The following LINGO2 variants were observed in gnomAD, a reference collection of about 807,000 sequenced individuals.
LINGO2 encodes leucine rich repeat and Ig domain containing 2, also known as leucine-rich repeat and immunoglobulin-like domain-containing nogo receptor-interacting protein 2.
Under a neutral mutation model 30.6 loss-of-function variants are expected in LINGO2, and 14 were observed. That is an observed-to-expected ratio of 0.46 (90% CI 0.30 to 0.72). The LOEUF (loss-of-function observed/expected upper bound fraction) is 0.72, where lower values mean the gene tolerates loss of function less well. Among genes scored for constraint, LINGO2 ranks in the 30% least tolerant of loss-of-function variants. The pLI, the probability that LINGO2 is intolerant of heterozygous loss-of-function variation, is 0.07. For missense variants in LINGO2, 729 were observed against 751.7 expected, an observed-to-expected ratio of 0.97 and a Z score of 0.35; for synonymous variants, 317 against 288.5, an observed-to-expected ratio of 1.10 and a Z score of -1.00.
At chr9:28,331,011 T>C (rs952751515) in intron 3 of LINGO2, among the ~76,000 whole-genome samples, 3 of 152,130 alleles carry the variant, frequency 2.0e-5, no homozygotes, top group Non-Finnish European at 2.9e-5. Flanking sequence ...ATTTTCTTTA[T>C]TAAACCTGTG....
chr9:29,061,092 G>C, the LINGO2 span, among the ~76,000 whole-genome samples: 3 of 151,752 alleles, frequency 2.0e-5, no homozygotes, highest in Non-Finnish European at 4.4e-5. Context: ...TAATCAAGCT[G>C]GAAAAAAATG....
chr9:28,857,632 T>A, the LINGO2 span, among the ~76,000 whole-genome samples: 3 of 152,074 alleles, frequency 2.0e-5, no homozygotes, highest in South Asian at 6.2e-4. Context: ...ATTTGTCCTC[T>A]AGATCTGCAG....
chr9:28,089,178 T>A (rs10812739), intron 4 of LINGO2, among the ~76,000 whole-genome samples: 13,328 of 152,150 alleles, frequency 0.088, 822 homozygotes, highest in Middle Eastern at 0.18. Flanking sequence ...TTAACAAGGA[T>A]ATCCAGGAAT....
At chr9:28,580,616 T>C (rs566137431) in intron 1 of LINGO2, among the ~76,000 whole-genome samples, 2 of 152,068 alleles carry the variant, frequency 1.3e-5, no homozygotes, top group African/African-American at 4.8e-5. Flanking sequence ...AAATGGAATG[T>C]TGTATGGTTA....
the LINGO2 span, among the ~76,000 whole-genome samples, chr9:28,858,090 CT>C: frequency 6.6e-6 from 1 of 151,964 alleles, no homozygotes; most frequent in African/African-American, 2.4e-5. Context: ...TGAGCTCCAG[CT>C]TGTCCCTCAG....
chr9:28,626,018 A>C (rs79075757), intron 1 of LINGO2, among the ~76,000 whole-genome samples: 12 of 151,420 alleles, frequency 7.9e-5, no homozygotes. Flanking sequence ...AACAAAAAAA[A>C]CTACAAATTG....
the LINGO2 span, among the ~76,000 whole-genome samples, chr9:28,728,689 A>C: frequency 6.6e-6 from 1 of 152,148 alleles, no homozygotes; most frequent in Non-Finnish European, 1.5e-5. Flanking sequence ...AATGACATTA[A>C]AGATATTTTT....
At chr9:28,496,418 C>T (rs1321448690) in intron 1 of LINGO2, among the ~76,000 whole-genome samples, 2 of 151,364 alleles carry the variant, frequency 1.3e-5, no homozygotes, top group Non-Finnish European at 2.9e-5. Flanking sequence ...TATGTAATGG[C>T]CTTCTTTGTC....
chr9:28,461,557 G>A (rs1178823609), intron 2 of LINGO2, among the ~76,000 whole-genome samples: 1 of 152,124 alleles, frequency 6.6e-6, no homozygotes, highest in African/African-American at 2.4e-5. Context: ...GTAAACAATT[G>A]CTCTAATGAG....
the LINGO2 span, among the ~76,000 whole-genome samples, chr9:29,174,433 G>T: frequency 6.6e-6 from 1 of 152,148 alleles, no homozygotes; most frequent in Admixed American, 6.5e-5. Flanking sequence ...AAACCTTCAT[G>T]TTATGTCTAT....
intron 4 of LINGO2, among the ~76,000 whole-genome samples, chr9:28,178,646 A>T (rs562311165): frequency 2.0e-5 from 3 of 152,174 alleles, no homozygotes; most frequent in Admixed American, 2.0e-4. Flanking sequence ...TAAAGTTGAC[A>T]CTGAAAGTTA....
the LINGO2 span, among the ~76,000 whole-genome samples, chr9:28,899,230 C>T: frequency 6.6e-6 from 1 of 152,174 alleles, no homozygotes; most frequent in Non-Finnish European, 1.5e-5. Context: ...AGATACATTC[C>T]AAACGAGGGA....
the LINGO2 span, among the ~76,000 whole-genome samples, chr9:28,757,249 T>A: frequency 2.0e-5 from 3 of 152,182 alleles, no homozygotes; most frequent in African/African-American, 7.2e-5. Context: ...CAGATGTCAA[T>A]TTTTATAATA....
At chr9:28,240,867 G>A (rs1821758979) in intron 4 of LINGO2, among the ~76,000 whole-genome samples, 1 of 152,102 alleles carries the variant, frequency 6.6e-6, no homozygotes, top group Admixed American at 6.6e-5. Flanking sequence ...GTAAAGAAAA[G>A]AATCAAGAAA....
chr9:28,336,594 C>G (rs1185721528), intron 3 of LINGO2, among the ~76,000 whole-genome samples: 2 of 152,106 alleles, frequency 1.3e-5, no homozygotes, highest in African/African-American at 4.8e-5. Flanking sequence ...AAAATAACAT[C>G]AGTTTTAGGT....
At chr9:28,828,978 G>A in the LINGO2 span, among the ~76,000 whole-genome samples, 2 of 152,134 alleles carry the variant, frequency 1.3e-5, 1 homozygote, top group South Asian at 4.1e-4. Flanking sequence ...GGCCCAAAGT[G>A]AGAACATGCA....
chr9:29,111,917 TTA>T, the LINGO2 span, among the ~76,000 whole-genome samples: 1 of 149,998 alleles, frequency 6.7e-6, no homozygotes, highest in Non-Finnish European at 1.5e-5. Flanking sequence ...ATACATATAT[TTA>T]TATATGTGTG....
At chr9:28,522,663 T>A (rs571276277) in intron 1 of LINGO2, among the ~76,000 whole-genome samples, 3 of 152,124 alleles carry the variant, frequency 2.0e-5, no homozygotes, top group Non-Finnish European at 4.4e-5. Flanking sequence ...ATATAAAATA[T>A]GATAAGAATA....
chr9:28,049,211 C>T (rs1327759719), intron 4 of LINGO2, among the ~76,000 whole-genome samples: 1 of 150,776 alleles, frequency 6.6e-6, no homozygotes, highest in Non-Finnish European at 1.5e-5. Flanking sequence ...TGTACTCACC[C>T]AGCATGTGTT....
Sources: gnomAD v4.1 joint callset for allele counts (sites outside exome capture counted in the v4.1 genomes callset) on GRCh38, gnomAD v4.1.1 for gene constraint, MANE v1.5 for transcripts, NCBI Gene and HGNC (gene_info 2026-07-23, HGNC 2026-07-21) for gene names.